AFG2A: variants seen among roughly 807,000 people sequenced by gnomAD.
AFG2A encodes the protein AAA ATPase AFG2A.
the AFG2A span, chr4:122,929,321 A>G: frequency 4.5e-6 from 5 of 1,100,094 alleles, no homozygotes; most frequent in South Asian, 1.1e-4. Context: ...GTAGAGAGAA[A>G]CAGGTACAAT....
the AFG2A span, among the ~76,000 whole-genome samples, chr4:123,029,761 C>T: frequency 6.6e-6 from 1 of 152,160 alleles, no homozygotes; most frequent in Non-Finnish European, 1.5e-5. Context: ...CCTCAGCCTC[C>T]TGAGCAGCTA....
chr4:123,113,703 G>C, the AFG2A span, among the ~76,000 whole-genome samples: 1 of 152,186 alleles, frequency 6.6e-6, no homozygotes. Context: ...TCTTTGGGCT[G>C]TTGCTTTTCT....
chr4:122,934,710 C>T, the AFG2A span: 1 of 1,589,776 alleles, frequency 6.3e-7, no homozygotes, highest in Admixed American at 1.8e-5. Flanking sequence ...AATTGCCCCT[C>T]AAACAGCCTG....
At chr4:123,081,881 C>T in the AFG2A span, among the ~76,000 whole-genome samples, 5 of 152,036 alleles carry the variant, frequency 3.3e-5, no homozygotes, top group Non-Finnish European at 5.9e-5. Context: ...TTTGCAGTTC[C>T]CTAATAATAT....
the AFG2A span, among the ~76,000 whole-genome samples, chr4:123,148,439 G>T: frequency 6.6e-6 from 1 of 152,164 alleles, no homozygotes; most frequent in African/African-American, 2.4e-5. Context: ...AGCTGGAAAG[G>T]TGAAAGAATC....
chr4:123,088,761 C>G, the AFG2A span, among the ~76,000 whole-genome samples: 2 of 152,122 alleles, frequency 1.3e-5, no homozygotes, highest in Non-Finnish European at 2.9e-5. Context: ...GTCCTTGCTT[C>G]CTCTTCTCCT....
chr4:123,095,275 A>G, the AFG2A span, among the ~76,000 whole-genome samples: 1 of 151,410 alleles, frequency 6.6e-6, no homozygotes, highest in Non-Finnish European at 1.5e-5. Flanking sequence ...TTCAGGTAGA[A>G]CTCCCTGTGG....
the AFG2A span, among the ~76,000 whole-genome samples, chr4:123,231,879 CACA>C: frequency 0.021 from 3,216 of 152,000 alleles, 63 homozygotes; most frequent in Non-Finnish European, 0.035. Flanking sequence ...TCAGAATACA[CACA>C]ACATTTGTCA....
At chr4:123,184,434 A>G in the AFG2A span, among the ~76,000 whole-genome samples, 3 of 152,104 alleles carry the variant, frequency 2.0e-5, no homozygotes, top group Non-Finnish European at 4.4e-5. Context: ...CTTAAGAAGA[A>G]AAATCTTTTG....
the AFG2A span, among the ~76,000 whole-genome samples, chr4:123,206,698 C>T: frequency 4.3e-4 from 66 of 152,290 alleles, no homozygotes; most frequent in African/African-American, 1.5e-3. Flanking sequence ...TCTATCCCCC[C>T]TTCCCCTATA....
the AFG2A span, among the ~76,000 whole-genome samples, chr4:123,268,184 T>C: frequency 6.6e-6 from 1 of 151,904 alleles, no homozygotes; most frequent in Non-Finnish European, 1.5e-5. Context: ...ACAGGGAGGA[T>C]AGACATAATT....
the AFG2A span, chr4:122,923,273 G>A: frequency 6.2e-7 from 1 of 1,614,030 alleles, no homozygotes; most frequent in Non-Finnish European, 8.5e-7. Flanking sequence ...GCAACCTCCG[G>A]GACTCTGACG....
At chr4:123,102,751 C>T in the AFG2A span, among the ~76,000 whole-genome samples, 115 of 149,970 alleles carry the variant, frequency 7.7e-4, no homozygotes, top group Middle Eastern at 3.4e-3. Context: ...TTTTAAAGTA[C>T]ATAAAGAGTA....
chr4:123,089,700 G>A, the AFG2A span, among the ~76,000 whole-genome samples: 18 of 151,952 alleles, frequency 1.2e-4, no homozygotes, highest in South Asian at 2.3e-3. Flanking sequence ...TTCTCATGCT[G>A]CGGCCTCCTG....
the AFG2A span, among the ~76,000 whole-genome samples, chr4:123,214,303 C>T: frequency 4.6e-5 from 7 of 152,142 alleles, no homozygotes; most frequent in East Asian, 3.9e-4. Context: ...GTCAAGGAAA[C>T]GTGTGGGACA....
At chr4:123,166,696 G>A in the AFG2A span, among the ~76,000 whole-genome samples, 2 of 152,180 alleles carry the variant, frequency 1.3e-5, no homozygotes, top group African/African-American at 4.8e-5. Context: ...TCCTCACCTA[G>A]TTGGGGAGAA....
chr4:123,197,736 C>G, the AFG2A span, among the ~76,000 whole-genome samples: 2 of 151,538 alleles, frequency 1.3e-5, no homozygotes, highest in Non-Finnish European at 2.9e-5. Context: ...CCATTGCACT[C>G]CAGCCTGGGT....
At chr4:123,042,626 C>T in the AFG2A span, among the ~76,000 whole-genome samples, 1 of 151,940 alleles carries the variant, frequency 6.6e-6, no homozygotes, top group Admixed American at 6.6e-5. Context: ...TGTTCTTTTC[C>T]CTTTTCTCCT....
the AFG2A span, among the ~76,000 whole-genome samples, chr4:123,085,017 AT>A: frequency 0.051 from 7,499 of 146,364 alleles, 320 homozygotes; most frequent in African/African-American, 0.12. Context: ...GTATTTTGGA[AT>A]TTTTTTTTTT....
Sources: gnomAD v4.1 joint callset for allele counts (sites outside exome capture counted in the v4.1 genomes callset) on GRCh38, gnomAD v4.1.1 for gene constraint, MANE v1.5 for transcripts, NCBI Gene and HGNC (gene_info 2026-07-23, HGNC 2026-07-21) for gene names.